The following CCDC62 variants were observed in gnomAD, a reference collection of about 807,000 sequenced individuals.
CCDC62 encodes the protein coiled-coil domain-containing protein 62.
In CCDC62, 72 loss-of-function variants were observed where a neutral mutation model predicts 80.8. The observed-to-expected ratio is 0.89, with a 90% CI of 0.74 to 1.08. The LOEUF (loss-of-function observed/expected upper bound fraction) is 1.08, where lower values mean the gene tolerates loss of function less well. Among genes scored for constraint, CCDC62 ranks in the 50% least tolerant of loss-of-function variants. The pLI is 0.00. For synonymous variants in CCDC62, 286 were observed against 296.5 expected (o/e 0.96, Z 0.36); for missense variants, 704 against 809.4 (o/e 0.87, Z 1.58).
chr12:122,774,727 C>T (rs887364466), intron 1 of CCDC62, 21 bp downstream of exon 1: 15 of 1,248,424 alleles, frequency 1.2e-5, no homozygotes, highest in Middle Eastern at 2.1e-4. Flanking sequence ...GTTCCGGGCG[C>T]GGCGGGGCGC....
chr12:122,825,754 G>T (rs2032597448), intron 12 of CCDC62, among the ~76,000 whole-genome samples: 1 of 150,602 alleles, frequency 6.6e-6, no homozygotes, highest in Non-Finnish European at 1.5e-5. Context: ...GGGAGGCCGA[G>T]GTGGGCGGAT....
chr12:122,816,424 A>AT (rs1216626579), intron 11 of CCDC62, among the ~76,000 whole-genome samples: 3 of 152,054 alleles, frequency 2.0e-5, no homozygotes, highest in Non-Finnish European at 2.9e-5. Flanking sequence ...TTTAAAATAC[A>AT]TTTTTTTAAT....
In CCDC62 at chr12:122,774,597, G is replaced by C. The variant is rs549123858; in HGVS notation, c.-74G>C. 3.6e-4 allele frequency: 420 copies of C among 1,153,038 alleles called. 1 individual carries two copies. In the African/African-American group the frequency reaches 5.8e-3, roughly 16 times the overall value. 71.4% of individuals were successfully genotyped at this position (1,153,038 alleles called of 1,614,324 possible). ...GCTCCGGGCTCGCCCCCGCCGCTCG[G>C]GGCAGGCGCGCCGATGGCGTTTCTG... On this transcript the variant is annotated 5_prime_UTR_variant, in exon 1 of 13. Transcript: ENST00000253079.
chr12:122,781,334 G>T lies in CCDC62; in HGVS notation c.396+4G>T. 1 of 1,611,644 alleles carries T rather than the reference G, an allele frequency of 6.2e-7. No homozygotes were observed. Among genetic ancestry groups the T allele is most frequent in the South Asian group, 1.1e-5 (1 of 90,768 alleles). ...TCTTCTCTCTGAAGACCTTGAGGTT[G>T]GGATTAGTTTTTGATAAGCTTCACT... On this transcript the variant is annotated splice_donor_region_variant and intron_variant, in intron 3 of 12. Coordinates refer to ENST00000253079, the MANE Select transcript of CCDC62 (RefSeq NM_201435.5).
rs1329561771 is a variant in CCDC62, at chr12:122,792,082, CA to C, written c.735del (p.Glu246ArgfsTer13). 1 of 1,613,556 alleles carries C rather than the reference CA, an allele frequency of 6.2e-7. No homozygotes were observed. The highest frequency in any genetic ancestry group is 8.5e-7 in the Non-Finnish European group (1 of 1,179,836). On this transcript the variant is annotated frameshift_variant, in exon 6 of 13. Transcript: ENST00000253079. LOFTEE classifies it high-confidence loss of function. ...EQREEIIRLK[Q>X]EKSCLHDELL... ...ACGAGAAGAGATCATTCGCCTCAAGCAAGAGAAAAGTTGCCTGCACGATGAA... is the reference window on the plus strand; with the variant it reads ...ACGAGAAGAGATCATTCGCCTCAAGCAGAGAAAAGTTGCCTGCACGATGAA...
At chr12:122,784,376 C>T (rs2030079114) in intron 3 of CCDC62, among the ~76,000 whole-genome samples, 2 of 152,144 alleles carry the variant, frequency 1.3e-5, no homozygotes, top group African/African-American at 4.8e-5. Context: ...CAAAAATCAG[C>T]TGGGCATGGT....
chr12:122,808,063 G>A (rs553611089), intron 10 of CCDC62, among the ~76,000 whole-genome samples: 5 of 152,204 alleles, frequency 3.3e-5, no homozygotes, highest in South Asian at 4.2e-4. Flanking sequence ...TTGGGAGGCC[G>A]AGGCAGGCGG....
In CCDC62 at chr12:122,781,154, C is replaced by A; in HGVS notation, c.230-10C>A. Reference sequence around the variant, plus strand: ...GGTGTGACTACAAATTATTGATGAACTTCCCTCAGGTGAACTACATAAAAG... The same window carrying A: ...GGTGTGACTACAAATTATTGATGAAATTCCCTCAGGTGAACTACATAAAAG... On this transcript the variant is annotated splice_polypyrimidine_tract_variant and intron_variant, in intron 2 of 12. Transcript: ENST00000253079. 6.3e-7 allele frequency: 1 copy of A among 1,598,778 alleles called. No individual in the cohort carries two copies.
chr12:122,823,318 T>G, intron 11 of CCDC62, 48 bp from the exon 12 acceptor site: 2 of 1,400,614 alleles, frequency 1.4e-6, no homozygotes, highest in African/African-American at 1.4e-5. Context: ...TTCTTAAGAA[T>G]TTTTTAGTTT....
intron 2 of CCDC62, among the ~76,000 whole-genome samples, chr12:122,778,924 G>T (rs1010280373): frequency 6.6e-6 from 1 of 152,082 alleles, no homozygotes; most frequent in South Asian, 2.1e-4. Flanking sequence ...TGATTTTTTC[G>T]TTTCTTTGAT....
intron 10 of CCDC62, among the ~76,000 whole-genome samples, chr12:122,806,837 T>C (rs1490171166): frequency 6.9e-6 from 1 of 145,604 alleles, no homozygotes; most frequent in East Asian, 2.0e-4. Context: ...ACTTGATATA[T>C]GTTGGTTGTA....
chr12:122,804,165 G>A (rs1448974715), intron 9 of CCDC62, among the ~76,000 whole-genome samples: 4 of 152,136 alleles, frequency 2.6e-5, no homozygotes, highest in Non-Finnish European at 5.9e-5. Flanking sequence ...GAGAAACTGG[G>A]GGCAGCCTGT....
chr12:122,784,875 T>TCA (rs2030114446), intron 3 of CCDC62, among the ~76,000 whole-genome samples: 1 of 149,430 alleles, frequency 6.7e-6, no homozygotes. Context: ...GTGCAGTGGC[T>TCA]CGCCTGTAAT....
chr12:122,825,918 G>A (rs537876299), intron 12 of CCDC62, among the ~76,000 whole-genome samples: 5 of 150,646 alleles, frequency 3.3e-5, no homozygotes, highest in African/African-American at 7.3e-5. Flanking sequence ...GCTTGAACCC[G>A]GGAGGCGGTG....
intron 10 of CCDC62, among the ~76,000 whole-genome samples, chr12:122,810,841 TA>T (rs1230133346): frequency 6.6e-6 from 1 of 152,018 alleles, no homozygotes; most frequent in African/African-American, 2.4e-5. Context: ...TATGCAGCCA[TA>T]AAAAATGATG....
intron 6 of CCDC62, among the ~76,000 whole-genome samples, chr12:122,794,420 G>C (rs1465347929): frequency 6.6e-6 from 1 of 152,068 alleles, no homozygotes; most frequent in Non-Finnish European, 1.5e-5. Context: ...GTCTGGAACT[G>C]CTGGGCTCAA....
At chr12:122,786,841 T>A (rs2030274017) in intron 4 of CCDC62, among the ~76,000 whole-genome samples, 1 of 151,988 alleles carries the variant, frequency 6.6e-6, no homozygotes, top group Admixed American at 6.6e-5. Flanking sequence ...GCGCCTGTAG[T>A]CCCAGCTACT....
rs1325184234 is a variant in CCDC62, at chr12:122,779,533, G to T, written c.230-1631G>T. On this transcript the variant is annotated intron_variant, in intron 2 of 12. Transcript: ENST00000253079. ...TGCATTTCTAACAGGCATCCTAGGC[G>T]ATGCCACTGCCGCTGCTGGTCCAGG... is the stretch of plus-strand genomic sequence containing the variant. 2.0e-5 allele frequency among the ~76,000 whole-genome samples: 3 copies of T among 152,170 alleles called. No homozygotes were observed. The East Asian group carries it at 5.8e-4, about 29-fold the overall frequency.
At chr12:122,815,741 C>T (rs1241139057) in intron 11 of CCDC62, among the ~76,000 whole-genome samples, 2 of 152,172 alleles carry the variant, frequency 1.3e-5, no homozygotes, top group African/African-American at 2.4e-5. Flanking sequence ...GCCACCACAC[C>T]CAGCCTATTC....
Sources: gnomAD v4.1 joint callset for allele counts (sites outside exome capture counted in the v4.1 genomes callset) on GRCh38, gnomAD v4.1.1 for gene constraint, MANE v1.5 for transcripts, NCBI Gene and HGNC (gene_info 2026-07-23, HGNC 2026-07-21) for gene names.